Variants in RARB observed in about 807,000 individuals in gnomAD.
RARB encodes the protein HBV-activated protein.
A neutral mutation model predicts 51.9 loss-of-function variants in RARB; 17 were observed. The observed-to-expected ratio is 0.33, with a 90% confidence interval of 0.22 to 0.49. The LOEUF is 0.49. Among genes scored for constraint, RARB ranks in the 20% least tolerant of loss-of-function variants. RARB has a pLI of 0.99. For missense variants in RARB, 369 were observed against 550.8 expected (o/e 0.67, Z 3.30); for synonymous variants, 215 against 195.4 (o/e 1.10, Z -0.84).
chr3:24,952,440 A>G (rs1246617889), intron 2 of RARB, among the ~76,000 whole-genome samples: 1 of 152,104 alleles, frequency 6.6e-6, no homozygotes, highest in African/African-American at 2.4e-5. Flanking sequence ...TTCCTTTACT[A>G]AAATGTATTC....
intron 4 of RARB, among the ~76,000 whole-genome samples, chr3:25,152,164 G>A (rs775395328): frequency 9.2e-5 from 14 of 152,110 alleles, no homozygotes; most frequent in South Asian, 6.2e-4. Flanking sequence ...CATATCTCCC[G>A]TTGAAGTTTA....
chr3:25,298,646 C>T (rs1403421575), intron 5 of RARB, among the ~76,000 whole-genome samples: 1 of 152,184 alleles, frequency 6.6e-6, no homozygotes, highest in Non-Finnish European at 1.5e-5. Context: ...AATCTTCCTC[C>T]TCTGTCTTGT....
In RARB at chr3:25,577,430, G is replaced by A. The variant is rs148895034; in HGVS notation, c.610-3116G>A. On this transcript the variant is annotated intron_variant, in intron 4 of 7. Coordinates refer to ENST00000330688, the MANE Select transcript of RARB (RefSeq NM_000965.5). ...ATGCAGGAATTGAATGTGGGTGACA[G>A]GGATGGTCTGCAAATTGAACTTGAA... Among the ~76,000 whole-genome samples, 27 of 152,310 alleles carry A rather than the reference G, an allele frequency of 1.8e-4. No homozygotes were observed. In the East Asian group the frequency reaches 4.4e-3, roughly 25 times the overall value.
At chr3:25,067,920 C>T (rs746327072) in intron 3 of RARB, among the ~76,000 whole-genome samples, 3 of 151,660 alleles carry the variant, frequency 2.0e-5, no homozygotes, top group Non-Finnish European at 2.9e-5. Context: ...GTGGATCACT[C>T]GAGGTCAGGA....
intron 2 of RARB, among the ~76,000 whole-genome samples, chr3:25,003,078 T>C (rs1697200160): frequency 2.0e-5 from 3 of 152,072 alleles, no homozygotes; most frequent in Non-Finnish European, 2.9e-5. Flanking sequence ...TTTGGTATTA[T>C]ATATAATGAA....
At chr3:25,364,665 C>G (rs1654654405) in intron 5 of RARB, among the ~76,000 whole-genome samples, 1 of 152,152 alleles carries the variant, frequency 6.6e-6, no homozygotes, top group Admixed American at 6.6e-5. Context: ...CGGAGAGGGC[C>G]TTGAATGCCA....
At chr3:24,993,575 T>C (rs750377612) in intron 2 of RARB, among the ~76,000 whole-genome samples, 8 of 152,174 alleles carry the variant, frequency 5.3e-5, no homozygotes, top group Non-Finnish European at 1.2e-4. Flanking sequence ...TTATTAACTA[T>C]AGTCTTCTTA....
At chr3:25,298,986 CTG>C (rs1197669137) in intron 5 of RARB, among the ~76,000 whole-genome samples, 3 of 152,200 alleles carry the variant, frequency 2.0e-5, no homozygotes, top group African/African-American at 7.2e-5. Flanking sequence ...TAAGGGGTCA[CTG>C]TTCACATCAC....
intron 2 of RARB, among the ~76,000 whole-genome samples, chr3:24,960,950 A>G (rs1696127310): frequency 6.6e-6 from 1 of 152,196 alleles, no homozygotes; most frequent in South Asian, 2.1e-4. Context: ...CTTGAGGGTA[A>G]CTAGTGGCGG....
intron 4 of RARB, among the ~76,000 whole-genome samples, chr3:25,149,267 A>G (rs1700244646): frequency 6.6e-6 from 1 of 152,236 alleles, no homozygotes; most frequent in Non-Finnish European, 1.5e-5. Flanking sequence ...GAATGCTTCT[A>G]TTTGACAATC....
At chr3:25,040,220 A>G (rs756976594) in intron 2 of RARB, among the ~76,000 whole-genome samples, 1 of 152,216 alleles carries the variant, frequency 6.6e-6, no homozygotes, top group Non-Finnish European at 1.5e-5. Flanking sequence ...GTATGTTTCT[A>G]TAGTGATGGA....
In RARB at chr3:24,910,226, T is replaced by A. The variant is rs567744161; in HGVS notation, c.-380+51474T>A. ...ATTGTTCTTCCTAAGCCTAGAAACT[T>A]AGGGAAATTGGGGGTGCTGGCAAAA... On this transcript the variant is annotated intron_variant, in intron 2 of 11. Coordinates refer to the RARB transcript ENST00000383772. Among the ~76,000 whole-genome samples the A allele has an allele frequency of 5.9e-5, 9 of 152,292 alleles. No homozygotes were observed. The East Asian group carries it at 1.7e-3, about 29-fold the overall frequency.
intron 5 of RARB, among the ~76,000 whole-genome samples, chr3:25,364,428 G>T (rs891808500): frequency 2.0e-5 from 3 of 152,186 alleles, no homozygotes; most frequent in Non-Finnish European, 4.4e-5. Flanking sequence ...ATGCACATCT[G>T]CAAATTTACA....
intron 2 of RARB, among the ~76,000 whole-genome samples, chr3:24,947,703 C>T (rs1221671242): frequency 6.6e-6 from 1 of 152,168 alleles, no homozygotes; most frequent in East Asian, 1.9e-4. Context: ...CCTGGTAAAG[C>T]ATGGTCTTTA....
chr3:25,547,919 C>T (rs1699682687), intron 3 of RARB, among the ~76,000 whole-genome samples: 1 of 151,944 alleles, frequency 6.6e-6, no homozygotes, highest in South Asian at 2.1e-4. Flanking sequence ...AGGTGAAATA[C>T]AAACCCAATA....
chr3:25,206,283 A>T (rs1255210692), intron 5 of RARB, among the ~76,000 whole-genome samples: 2 of 152,308 alleles, frequency 1.3e-5, no homozygotes, highest in East Asian at 3.9e-4. Flanking sequence ...TTCTTACATA[A>T]ATTTGATATT....
intron 2 of RARB, chr3:25,020,222 T>A (rs1211426513): frequency 6.6e-6 from 1 of 151,794 alleles, no homozygotes; most frequent in Non-Finnish European, 1.5e-5. Flanking sequence ...TTCACAGGCA[T>A]GATCCCACTG....
intron 2 of RARB, among the ~76,000 whole-genome samples, chr3:24,958,271 T>G (rs955860502): frequency 0.034 from 4,697 of 137,552 alleles, 254 homozygotes; most frequent in African/African-American, 0.11. Context: ...TTTTTTTTTT[T>G]TTTTTTTTTT....
intron 3 of RARB, among the ~76,000 whole-genome samples, chr3:25,566,879 G>T (rs922749061): frequency 1.3e-5 from 2 of 152,184 alleles, no homozygotes; most frequent in African/African-American, 2.4e-5. Flanking sequence ...ACATGGTATT[G>T]TTGGGCCTCA....
Sources: gnomAD v4.1 joint callset for allele counts (sites outside exome capture counted in the v4.1 genomes callset) on GRCh38, gnomAD v4.1.1 for gene constraint, MANE v1.5 for transcripts, NCBI Gene and HGNC (gene_info 2026-07-23, HGNC 2026-07-21) for gene names.